Variants in AGTR1 observed in about 807,000 individuals in gnomAD.
The protein encoded by AGTR1 is type-1 angiotensin II receptor.
AGTR1 carries 16 observed loss-of-function variants against 19.4 expected under a neutral mutation model. That is an observed-to-expected ratio of 0.82 (90% confidence interval 0.56 to 1.25). The LOEUF (loss-of-function observed/expected upper bound fraction) is 1.25. Ranked by LOEUF, AGTR1 falls within the 50% of genes most tolerant of loss-of-function variation. The pLI is 0.00. For missense variants in AGTR1, 373 were observed against 431.9 expected (o/e 0.86, Z 1.21); for synonymous variants, 153 against 154.9 (o/e 0.99, Z 0.09).
chr3:148,712,478 A>AG (rs969539654), intron 2 of AGTR1, among the ~76,000 whole-genome samples: 2 of 152,164 alleles, frequency 1.3e-5, no homozygotes, highest in Non-Finnish European at 2.9e-5. Context: ...CCAGAAAAAA[A>AG]CAGAGCCACT....
At chr3:148,739,439 G>A (rs1385654359) in intron 2 of AGTR1, among the ~76,000 whole-genome samples, 1 of 151,974 alleles carries the variant, frequency 6.6e-6, no homozygotes, top group African/African-American at 2.4e-5. Context: ...CACCAAAGAT[G>A]TGACATTTAG....
In AGTR1 at chr3:148,741,359, C is replaced by T; in HGVS notation, c.324C>T (p.Val108=). 6.2e-7 allele frequency: 1 copy of T among 1,605,582 alleles called. No individual in the cohort carries two copies. The highest frequency in any genetic ancestry group is 8.5e-7 in the Non-Finnish European group (1 of 1,179,266). The change falls in exon 3 of 3, where the codon GTC becomes GTT. Residue 108 remains valine, a synonymous_variant. Coordinates refer to ENST00000349243, the MANE Select transcript of AGTR1 (RefSeq NM_000685.5). ...NYLCKIASAS[V]SFNLYASVFL... Reference sequence around the variant, plus strand: ...TATGTAAGATTGCTTCAGCCAGCGTCAGTTTCAACCTGTACGCTAGTGTGT... The same window carrying T: ...TATGTAAGATTGCTTCAGCCAGCGTTAGTTTCAACCTGTACGCTAGTGTGT...
intron 2 of AGTR1, among the ~76,000 whole-genome samples, chr3:148,719,470 A>G (rs1231110748): frequency 1.3e-5 from 2 of 152,194 alleles, no homozygotes; most frequent in Non-Finnish European, 2.9e-5. Flanking sequence ...TCTCTGTATT[A>G]TATGAAACAT....
At chr3:148,704,318 A>T (rs1225952888) in intron 1 of AGTR1, among the ~76,000 whole-genome samples, 1 of 152,064 alleles carries the variant, frequency 6.6e-6, no homozygotes, top group East Asian at 1.9e-4. Context: ...GTGAGCCATG[A>T]TCACACCACT....
chr3:148,739,662 G>T (rs1266180673), intron 2 of AGTR1: 1 of 760,512 alleles, frequency 1.3e-6, no homozygotes, highest in Non-Finnish European at 1.8e-6. Context: ...GACTACTGGA[G>T]TTGTATCCCT....
At chr3:148,732,335 T>C (rs2107962550) in intron 2 of AGTR1, among the ~76,000 whole-genome samples, 1 of 152,348 alleles carries the variant, frequency 6.6e-6, no homozygotes, top group Middle Eastern at 3.4e-3. Flanking sequence ...ACTCATAACA[T>C]TGACCTCGTT....
At chr3:148,720,134 T>C (rs1713548023) in intron 2 of AGTR1, among the ~76,000 whole-genome samples, 1 of 152,126 alleles carries the variant, frequency 6.6e-6, no homozygotes, top group Non-Finnish European at 1.5e-5. Flanking sequence ...GGGTTAGAGG[T>C]AGCTACAATT....
intron 2 of AGTR1, among the ~76,000 whole-genome samples, chr3:148,718,900 G>A (rs1374538203): frequency 4.6e-5 from 7 of 152,100 alleles, no homozygotes; most frequent in Admixed American, 2.0e-4. Flanking sequence ...TTTTGTTCTC[G>A]TGATTTGTGA....
chr3:148,698,991 T>A (rs1712155174), intron 1 of AGTR1, among the ~76,000 whole-genome samples: 1 of 127,390 alleles, frequency 7.8e-6, no homozygotes, highest in South Asian at 2.3e-4. Context: ...TGCACCGTTT[T>A]TTTCTTTGGG....
At chr3:148,738,250 T>C (rs893513040) in intron 2 of AGTR1, among the ~76,000 whole-genome samples, 2 of 152,132 alleles carry the variant, frequency 1.3e-5, no homozygotes, top group Admixed American at 6.5e-5. Context: ...TTCTATTTTT[T>C]ACTGCCCTTA....
In AGTR1 at chr3:148,716,846, G is replaced by T. The variant is rs12695885; in HGVS notation, c.-48+8819G>T. 0.017 allele frequency among the ~76,000 whole-genome samples: 2,573 copies of T among 152,164 alleles called. 57 individuals carry two copies. The highest frequency in any genetic ancestry group is 0.054 in the Middle Eastern group (16 of 294). ...GCTCTGAAAATGGTTTCTGTCCCTG[G>T]TGGACTCTTGTTTCAATGCAGTTAT... On this transcript the variant is annotated intron_variant, in intron 2 of 2. Coordinates refer to ENST00000349243, the MANE Select transcript of AGTR1 (RefSeq NM_000685.5). This position sits in a 1 kb window ranked among gnomAD's most constrained non-coding sequence, Gnocchi z 4.7.
chr3:148,722,016 A>G (rs188358474), intron 2 of AGTR1, among the ~76,000 whole-genome samples: 1 of 152,354 alleles, frequency 6.6e-6, no homozygotes, highest in East Asian at 1.9e-4. Context: ...AGTCAGACTC[A>G]AAAGAATTAA....
rs995803867 is a variant in AGTR1 at position 148,741,444 on chromosome 3, C to T, written c.409C>T (p.Arg137Cys). Reference protein sequence around the residue: ...YLAIVHPMKSRLRRTMLVAKV... With the variant: ...YLAIVHPMKSCLRRTMLVAKV... ...GGCTATTGTTCACCCAATGAAGTCCCGCCTTCGACGCACAATGCTTGTAGC... is the reference window on the plus strand; with the variant it reads ...GGCTATTGTTCACCCAATGAAGTCCTGCCTTCGACGCACAATGCTTGTAGC... The change falls in exon 3 of 3, where the codon CGC becomes TGC. Residue 137 changes from arginine to cysteine, a missense_variant. Transcript: ENST00000349243. 26 of 1,608,830 alleles carry T rather than the reference C, an allele frequency of 1.6e-5. No individual in the cohort carries two copies. The highest frequency in any genetic ancestry group is 1.6e-4 in the Middle Eastern group (1 of 6,080).
At chr3:148,700,431 TGA>T (rs1227121639) in intron 1 of AGTR1, among the ~76,000 whole-genome samples, 1 of 152,162 alleles carries the variant, frequency 6.6e-6, no homozygotes, top group Non-Finnish European at 1.5e-5. Flanking sequence ...AGCAGATAAC[TGA>T]GAGTTGCTGT....
intron 2 of AGTR1, among the ~76,000 whole-genome samples, chr3:148,708,927 G>A (rs180870197): frequency 1.6e-3 from 249 of 152,280 alleles, no homozygotes; most frequent in Non-Finnish European, 2.3e-3. Context: ...TGGGTGGGTA[G>A]ATAAATATTA....
intron 2 of AGTR1, among the ~76,000 whole-genome samples, chr3:148,708,528 C>T (rs1413253778): frequency 2.0e-5 from 3 of 152,152 alleles, no homozygotes; most frequent in Admixed American, 6.5e-5. Context: ...TTCTCACAAA[C>T]TTCCACCTTC....
At chr3:148,717,310 A>G (rs537329244) in intron 2 of AGTR1, among the ~76,000 whole-genome samples, 3 of 152,176 alleles carry the variant, frequency 2.0e-5, no homozygotes, top group Non-Finnish European at 4.4e-5. Context: ...ACAAAAAAAA[A>G]TAGGCTAAAT....
At chr3:148,706,778 G>A (rs749599791) in intron 1 of AGTR1, among the ~76,000 whole-genome samples, 43 of 151,880 alleles carry the variant, frequency 2.8e-4, no homozygotes, top group Middle Eastern at 3.2e-3. Context: ...TTAACGAAAT[G>A]CAAGTCAAAA....
At chr3:148,718,817 T>A (rs1713440445) in intron 2 of AGTR1, among the ~76,000 whole-genome samples, 1 of 152,228 alleles carries the variant, frequency 6.6e-6, no homozygotes, top group Admixed American at 6.5e-5. Flanking sequence ...GCTTTAAAAT[T>A]TGAAGTTGAA....
Sources: allele counts gnomAD v4.1 joint callset (sites outside exome capture counted in the v4.1 genomes callset), GRCh38; gene constraint gnomAD v4.1.1; non-coding constraint Gnocchi (gnomAD v3.1); transcripts MANE v1.5; gene names NCBI Gene and HGNC (gene_info 2026-07-23, HGNC 2026-07-21).